PTPRG: variants seen among roughly 807,000 people sequenced by gnomAD.
The protein encoded by PTPRG is protein tyrosine phosphatase receptor type G.
PTPRG carries 102 observed loss-of-function variants against 165.3 expected under a neutral mutation model. The ratio of observed to expected loss-of-function variants is 0.62; its 90% CI spans 0.53 to 0.73. PTPRG has a LOEUF of 0.73. Ranked by LOEUF, PTPRG falls within the 30% of genes least tolerant of loss-of-function variation. The pLI, the probability that PTPRG is intolerant of heterozygous loss-of-function variation, is 0.00. For missense variants in PTPRG, 1,866 were observed against 1,861.4 expected (o/e 1.00, Z -0.05); for synonymous variants, 675 against 669.5 (o/e 1.01, Z -0.13).
intron 1 of PTPRG, among the ~76,000 whole-genome samples, chr3:61,579,957 G>A (rs1320784942): frequency 1.3e-5 from 2 of 152,046 alleles, no homozygotes; most frequent in Admixed American, 6.5e-5. Flanking sequence ...AAGATTTTTT[G>A]GAGATTTGTG....
At chr3:61,594,268 G>A (rs1039744692) in intron 1 of PTPRG, among the ~76,000 whole-genome samples, 4 of 152,022 alleles carry the variant, frequency 2.6e-5, no homozygotes, top group South Asian at 2.1e-4. Context: ...GGAGGAGGGC[G>A]CCGGGTGGAT....
intron 2 of PTPRG, among the ~76,000 whole-genome samples, chr3:61,957,022 G>A (rs551803973): frequency 6.6e-6 from 1 of 152,280 alleles, no homozygotes; most frequent in Non-Finnish European, 1.5e-5. Flanking sequence ...TTAACTTGAA[G>A]TCTTTCCCTT....
chr3:62,207,287 A>G (rs1003244912), intron 12 of PTPRG, among the ~76,000 whole-genome samples: 3 of 152,248 alleles, frequency 2.0e-5, no homozygotes, highest in African/African-American at 7.2e-5. Flanking sequence ...TGGGTCTGAT[A>G]TGGTCCACAA....
chr3:61,755,404 C>G (rs1380633567), intron 2 of PTPRG, among the ~76,000 whole-genome samples: 1 of 152,230 alleles, frequency 6.6e-6, no homozygotes, highest in African/African-American at 2.4e-5. Context: ...CTCCCTGTGC[C>G]TTGGTGCTTA....
Position 61,738,324 on chromosome 3 carries a change from A to ATATGTGTATATATGTATATATATATGTG in PTPRG, c.86-10551_86-10550insGTGTATATATGTATATATATATGTGTAT, listed in dbSNP as rs1353314354. On this transcript the variant is annotated intron_variant, in intron 1 of 29. Coordinates refer to ENST00000474889, the MANE Select transcript of PTPRG (RefSeq NM_002841.4). Reference sequence around the variant, plus strand: ...TATATATATATATACATATATATATATATATATATATATGTATATATATAT... The same window carrying ATATGTGTATATATGTATATATATATGTG: ...TATATATATATATACATATATATATATATGTGTATATATGTATATATATATGTGTATATATATATATGTATATATATAT... Among the ~76,000 whole-genome samples the ATATGTGTATATATGTATATATATATGTG allele has an allele frequency of 3.2e-5, 3 of 93,654 alleles. 1 individual carries two copies. The highest frequency in any genetic ancestry group is 6.6e-5 in the Non-Finnish European group (3 of 45,604). The allele number at this position is 93,654 out of a possible 152,430, so 61.4% of individuals were successfully genotyped here.
rs1333954965 is a variant in PTPRG, at chr3:62,255,141, C to A, written c.2485C>A (p.Pro829Thr). Reference protein sequence around the residue: ...IPIPDDMEAIPVKQFVKHIGE... With the variant: ...IPIPDDMEAITVKQFVKHIGE... ...CCCCCCAGATGACATGGAAGCCATT[C>A]CTGTCAAACAGTTTGTCAAACACAT... The change falls in exon 16 of 30, where the codon CCT becomes ACT. Residue 829 changes from proline to threonine, a missense_variant. This residue lies in a region of PTPRG where 1,452 missense variants were observed against 1,463.0 expected (regional missense o/e 0.99). Transcript: ENST00000474889. The surrounding 1 kb of genome is among the most constrained non-coding windows in gnomAD (Gnocchi z 4.0). The A allele has an allele frequency of 6.2e-7, 1 of 1,612,602 alleles. No homozygotes were observed. Among genetic ancestry groups the A allele is most frequent in the Admixed American group, 1.7e-5 (1 of 59,794 alleles).
At chr3:62,080,284 C>T (rs1701526501) in intron 5 of PTPRG, among the ~76,000 whole-genome samples, 1 of 150,606 alleles carries the variant, frequency 6.6e-6, no homozygotes, top group Non-Finnish European at 1.5e-5. Flanking sequence ...CCATGTTGGT[C>T]AGGCTGGTGT....
chr3:61,999,172 A>T (rs1404074377), intron 3 of PTPRG, among the ~76,000 whole-genome samples: 2 of 152,062 alleles, frequency 1.3e-5, no homozygotes, highest in Non-Finnish European at 2.9e-5. Flanking sequence ...CAGCCTGCCA[A>T]GTAGCTGGGA....
chr3:61,786,932 T>C (rs2034722101), intron 2 of PTPRG, among the ~76,000 whole-genome samples: 1 of 152,186 alleles, frequency 6.6e-6, no homozygotes, highest in South Asian at 2.1e-4. Flanking sequence ...ATTATCACCA[T>C]GATCTCCCAT....
At chr3:61,576,638 A>G (rs1271405507) in intron 1 of PTPRG, among the ~76,000 whole-genome samples, 1 of 152,200 alleles carries the variant, frequency 6.6e-6, no homozygotes, top group Non-Finnish European at 1.5e-5. Flanking sequence ...CTGTGCCTAT[A>G]ATAAGGCAGA....
intron 2 of PTPRG, among the ~76,000 whole-genome samples, chr3:61,931,927 G>T (rs1398843232): frequency 6.6e-6 from 1 of 152,108 alleles, no homozygotes; most frequent in African/African-American, 2.4e-5. Flanking sequence ...TGAAGCTTCT[G>T]GTTGAAACAT....
chr3:61,717,938 T>C (rs2031876898), intron 1 of PTPRG, among the ~76,000 whole-genome samples: 1 of 152,056 alleles, frequency 6.6e-6, no homozygotes, highest in African/African-American at 2.4e-5. Context: ...CCCAGCACTT[T>C]GGAGGCCAAG....
intron 2 of PTPRG, among the ~76,000 whole-genome samples, chr3:61,894,060 G>A (rs2038285620): frequency 6.6e-6 from 1 of 152,010 alleles, no homozygotes; most frequent in Non-Finnish European, 1.5e-5. Context: ...TCCCAGCACT[G>A]TGAGAGGCTG....
intron 2 of PTPRG, among the ~76,000 whole-genome samples, chr3:61,782,865 C>G (rs1338020400): frequency 1.3e-5 from 2 of 152,064 alleles, no homozygotes; most frequent in African/African-American, 4.8e-5. Context: ...TGCAGTGGTA[C>G]AGTCATAGCT....
At chr3:61,974,046 C>G (rs181366923) in intron 2 of PTPRG, among the ~76,000 whole-genome samples, 1 of 152,104 alleles carries the variant, frequency 6.6e-6, no homozygotes, top group African/African-American at 2.4e-5. Flanking sequence ...CACCACAGAG[C>G]CATACTCTAA....
rs574751471 is a variant in PTPRG, at chr3:61,893,234, A to G, written c.191-96391A>G. Among the ~76,000 whole-genome samples the G allele has an allele frequency of 7.2e-5, 11 of 152,350 alleles. No individual in the cohort carries two copies. The East Asian group carries it at 1.7e-3, about 24-fold the overall frequency. ...TTTTGGGAAAGTCAGTGTGTCTGCA[A>G]GCTGCTGAAAGATGTTCTTGTAGAC... On this transcript the variant is annotated intron_variant, in intron 2 of 29. Coordinates refer to ENST00000474889, the MANE Select transcript of PTPRG (RefSeq NM_002841.4).
intron 2 of PTPRG, among the ~76,000 whole-genome samples, chr3:61,900,239 T>A (rs1413781400): frequency 6.6e-6 from 1 of 152,206 alleles, no homozygotes; most frequent in Admixed American, 6.5e-5. Flanking sequence ...AAAATAATGC[T>A]GACGCTAACC....
intron 4 of PTPRG, among the ~76,000 whole-genome samples, chr3:62,069,592 T>C (rs1185825904): frequency 1.3e-5 from 2 of 151,200 alleles, no homozygotes; most frequent in Non-Finnish European, 2.9e-5. Context: ...TTTTAGGGGG[T>C]GTATTAGTCA....
intron 2 of PTPRG, among the ~76,000 whole-genome samples, chr3:61,988,394 C>A (rs999098461): frequency 6.6e-6 from 1 of 152,068 alleles, no homozygotes; most frequent in African/African-American, 2.4e-5. Context: ...TGGGGAAAGC[C>A]ATGGCAAATG....
Sources: gnomAD v4.1 joint callset for allele counts (sites outside exome capture counted in the v4.1 genomes callset) on GRCh38, gnomAD v4.1.1 for gene constraint, gnomAD v4.1.1 regional missense constraint, Gnocchi (gnomAD v3.1) non-coding constraint, MANE v1.5 for transcripts, NCBI Gene and HGNC (gene_info 2026-07-23, HGNC 2026-07-21) for gene names.